The following SMC6 variants were observed in gnomAD, a reference collection of about 807,000 sequenced individuals.
SMC6 encodes the protein structural maintenance of chromosomes 6, also known as structural maintenance of chromosomes protein 6.
In SMC6, 79 loss-of-function variants were observed where a neutral mutation model predicts 142.2. That is an observed-to-expected ratio of 0.56 (90% CI 0.46 to 0.67). The LOEUF is 0.67. Ranked by LOEUF, SMC6 falls within the 30% of genes least tolerant of loss-of-function variation. SMC6 has a pLI of 0.00. For missense variants in SMC6, 1,072 were observed against 1,284.0 expected, an observed-to-expected ratio of 0.83 and a Z score of 2.52; for synonymous variants, 411 against 412.4, an observed-to-expected ratio of 1.00 and a Z score of 0.04.
chr2:17,679,662 C>T (rs557497966), intron 24 of SMC6: 4 of 152,286 alleles, frequency 2.6e-5, no homozygotes, highest in African/African-American at 9.6e-5. Context: ...TTGAGATCCT[C>T]AGACTGTCCT....
At chr2:17,702,802 A>C (rs1202050310) in intron 19 of SMC6, among the ~76,000 whole-genome samples, 1 of 151,990 alleles carries the variant, frequency 6.6e-6, no homozygotes, top group South Asian at 2.1e-4. Context: ...CCGCCACGTA[A>C]GATGTGCCTT....
At chr2:17,728,957 C>A (rs1264670874) in intron 7 of SMC6, among the ~76,000 whole-genome samples, 1 of 152,054 alleles carries the variant, frequency 6.6e-6, no homozygotes, top group Non-Finnish European at 1.5e-5. Context: ...ACCATGTTGG[C>A]CAGCCTGGTC....
chr2:17,686,354 T>C (rs966800268), intron 23 of SMC6, among the ~76,000 whole-genome samples: 9 of 152,210 alleles, frequency 5.9e-5, no homozygotes, highest in Admixed American at 5.2e-4. Flanking sequence ...TGGTGGCAGG[T>C]GCTGGTAATC....
intron 9 of SMC6, among the ~76,000 whole-genome samples, chr2:17,724,839 T>C (rs1669537632): frequency 6.6e-6 from 1 of 152,212 alleles, no homozygotes; most frequent in South Asian, 2.1e-4. Context: ...CGGTATATAA[T>C]TATAAATGCA....
chr2:17,717,006 A>G (rs1488474884), intron 13 of SMC6, 82 bp downstream of exon 13: 18 of 1,517,088 alleles, frequency 1.2e-5, no homozygotes, highest in Non-Finnish European at 1.5e-5. Context: ...ACAACAATAC[A>G]TAAAATATAA....
intron 3 of SMC6, 107 bp from the exon 4 acceptor site, chr2:17,741,836 T>C: frequency 3.1e-6 from 2 of 651,114 alleles, no homozygotes; most frequent in South Asian, 5.1e-5. Context: ...AATGAAAAAA[T>C]TTACAGAAAG....
At chr2:17,667,616 GAGGCAGGT>G (rs542988876) in intron 26 of SMC6, among the ~76,000 whole-genome samples, 241 of 152,284 alleles carry the variant, frequency 1.6e-3, no homozygotes, top group African/African-American at 5.6e-3. Context: ...TTGGGAGATT[GAGGCAGGT>G]GGATCACTTG....
At chr2:17,696,696 T>C (rs2124920926) in intron 21 of SMC6, among the ~76,000 whole-genome samples, 1 of 152,286 alleles carries the variant, frequency 6.6e-6, no homozygotes, top group Non-Finnish European at 1.5e-5. Context: ...CACATTAGCC[T>C]TTAAAAACTT....
intron 19 of SMC6, 150 bp from the exon 20 acceptor site, chr2:17,702,059 A>G (rs1378943300): frequency 5.4e-6 from 3 of 550,932 alleles, no homozygotes; most frequent in Non-Finnish European, 9.7e-6. Context: ...TAAATCAACC[A>G]AAGGAAATTA....
intron 21 of SMC6, among the ~76,000 whole-genome samples, chr2:17,698,646 T>C (rs1331892842): frequency 6.6e-6 from 1 of 152,100 alleles, no homozygotes; most frequent in African/African-American, 2.4e-5. Context: ...AGAGAGCATA[T>C]AGTCATGTTT....
intron 7 of SMC6, among the ~76,000 whole-genome samples, chr2:17,729,946 T>C (rs1669826890): frequency 6.6e-6 from 1 of 152,202 alleles, no homozygotes; most frequent in Non-Finnish European, 1.5e-5. Flanking sequence ...GTACCCTCTG[T>C]TCTAAACCAA....
In SMC6 at chr2:17,731,811, A is replaced by G; in HGVS notation, c.411T>C (p.Gly137=). ...GDDAFKASVY[G]NSILIQQHIS... ...TGTGTTGCTGTATAAGTATAGAGTT[A>G]CCATACACACTGGCTTTAAAGGCAT... is the stretch of plus-strand genomic sequence containing the variant. Residue 137 remains glycine (G), a synonymous_variant, in exon 6 of 28, where the codon GGT becomes GGC. Coordinates refer to ENST00000448223, the MANE Select transcript of SMC6 (RefSeq NM_001142286.2). 6.2e-7 allele frequency: 1 copy of G among 1,613,710 alleles called. No individual in the cohort carries two copies. The highest frequency in any genetic ancestry group is 1.7e-5 in the Admixed American group (1 of 60,026).
chr2:17,677,877 A>C (rs1217445135), intron 25 of SMC6, among the ~76,000 whole-genome samples: 1 of 152,214 alleles, frequency 6.6e-6, no homozygotes, highest in Non-Finnish European at 1.5e-5. Flanking sequence ...AAGATGTTCC[A>C]AAAATTTAAC....
In SMC6 at chr2:17,692,009, GA is replaced by G. The variant is rs530072525; in HGVS notation, c.2678+3142del. Among the ~76,000 whole-genome samples the G allele has an allele frequency of 1.9e-4, 29 of 152,264 alleles. No individual in the cohort carries two copies. In the South Asian group the frequency reaches 5.6e-3, roughly 29 times the overall value. On this transcript the variant is annotated intron_variant, in intron 23 of 27. Transcript: ENST00000448223. ...AATCCAACTTACAAGGGACGTGAAGGACCTCTTCAAGGAGAACCACAAACCA... is the reference window on the plus strand; with the variant it reads ...AATCCAACTTACAAGGGACGTGAAGGCCTCTTCAAGGAGAACCACAAACCA...
intron 2 of SMC6, among the ~76,000 whole-genome samples, chr2:17,748,259 G>T (rs1670854475): frequency 6.6e-6 from 1 of 152,178 alleles, no homozygotes; most frequent in South Asian, 2.1e-4. Flanking sequence ...TAGAGCAAGT[G>T]AATCAGAATC....
chr2:17,691,251 C>T (rs75427038), intron 23 of SMC6, among the ~76,000 whole-genome samples: 1,840 of 141,932 alleles, frequency 0.013, 28 homozygotes, highest in African/African-American at 0.03. Flanking sequence ...CACACACACA[C>T]ACACACACAC....
chr2:17,716,552 G>A (rs16983791), intron 14 of SMC6, among the ~76,000 whole-genome samples, 189 bp downstream of exon 14: 2 of 152,094 alleles, frequency 1.3e-5, no homozygotes, highest in Non-Finnish European at 2.9e-5. Flanking sequence ...AAAAGATCCA[G>A]CTGGCTGTAG....
At chr2:17,718,354 A>G (rs1414588308) in intron 11 of SMC6, 131 bp from the exon 12 acceptor site, 3 of 515,416 alleles carry the variant, frequency 5.8e-6, no homozygotes, top group Non-Finnish European at 9.6e-6. Context: ...TAAACATAAC[A>G]TAACATTATA....
At chr2:17,723,420 C>G (rs1428741288) in intron 9 of SMC6, among the ~76,000 whole-genome samples, 1 of 152,218 alleles carries the variant, frequency 6.6e-6, no homozygotes, top group Non-Finnish European at 1.5e-5. Flanking sequence ...CCTCTCATCT[C>G]TCACACCTGT....
Sources: allele counts gnomAD v4.1 joint callset (sites outside exome capture counted in the v4.1 genomes callset), GRCh38; gene constraint gnomAD v4.1.1; transcripts MANE v1.5; gene names NCBI Gene and HGNC (gene_info 2026-07-23, HGNC 2026-07-21).